SAMD3: variants seen among roughly 807,000 people sequenced by gnomAD.
SAMD3 encodes the protein sterile alpha motif domain containing 3.
In SAMD3, 63 loss-of-function variants were observed where a neutral mutation model predicts 58.5. That is an observed-to-expected ratio of 1.08 (90% CI 0.88 to 1.33). The LOEUF (loss-of-function observed/expected upper bound fraction) is 1.33, where lower values mean the gene tolerates loss of function less well. Among genes scored for constraint, SAMD3 ranks in the 40% most tolerant of loss-of-function variants. The probability of loss-of-function intolerance (pLI) is 0.00; values close to 1 mark genes in which losing one functional copy is unlikely to be tolerated. For synonymous variants in SAMD3, 220 were observed against 210.3 expected (o/e 1.05, Z -0.40); for missense variants, 604 against 608.4 (o/e 0.99, Z 0.08).
intron 1 of SAMD3, among the ~76,000 whole-genome samples, chr6:130,349,665 T>C (rs1320607576): frequency 6.6e-6 from 1 of 152,204 alleles, no homozygotes; most frequent in Non-Finnish European, 1.5e-5. Flanking sequence ...GTACCATTCC[T>C]TCTGAAATTA....
Position 130,154,918 on chromosome 6 carries a change from G to A in SAMD3, c.930C>T (p.Ser310=). 1.2e-6 allele frequency: 2 copies of A among 1,613,198 alleles called. No homozygotes were observed. Among genetic ancestry groups the A allele is most frequent in the South Asian group, 1.1e-5 (1 of 91,048 alleles). Residue 310 remains serine, a synonymous_variant, in exon 9 of 12, where the codon AGC becomes AGT. Coordinates refer to ENST00000439090, the MANE Select transcript of SAMD3 (RefSeq NM_001017373.4). ...KDWREIDKRM[S]QTLEIRRKMI... ...TCTTTCTTCTTATTTCCAAAGTTTGGCTCATTCTCTTGTCAATTTCTCTCC... is the reference window on the plus strand; with the variant it reads ...TCTTTCTTCTTATTTCCAAAGTTTGACTCATTCTCTTGTCAATTTCTCTCC...
chr6:130,263,854 G>A (rs1206384006), intron 2 of SAMD3, among the ~76,000 whole-genome samples: 1 of 152,072 alleles, frequency 6.6e-6, no homozygotes, highest in Non-Finnish European at 1.5e-5. Context: ...CAGGAGTCTT[G>A]CCCCCCGATG....
intron 8 of SAMD3, 138 bp from the exon 9 acceptor site, chr6:130,155,163 A>T: frequency 3.3e-6 from 2 of 611,608 alleles, no homozygotes; most frequent in Non-Finnish European, 5.8e-6. Context: ...GAGCATAACT[A>T]ATAAATGGAC....
intron 2 of SAMD3, chr6:130,286,373 C>A (rs1466077215): frequency 6.6e-6 from 1 of 152,196 alleles, no homozygotes; most frequent in Non-Finnish European, 1.5e-5. Flanking sequence ...GAAGAGTGAG[C>A]CTTAATGACA....
chr6:130,351,205 C>CA (rs1777650963), intron 1 of SAMD3, among the ~76,000 whole-genome samples: 1 of 152,114 alleles, frequency 6.6e-6, no homozygotes, highest in Non-Finnish European at 1.5e-5. Flanking sequence ...GCAATGGCAA[C>CA]AAAAGCCAAA....
At chr6:130,179,853 C>T (rs1167079007) in intron 7 of SAMD3, among the ~76,000 whole-genome samples, 1 of 140,364 alleles carries the variant, frequency 7.1e-6, no homozygotes, top group African/African-American at 2.7e-5. Context: ...CGCTCTTGTC[C>T]CCCAGGCTAG....
intron 1 of SAMD3, among the ~76,000 whole-genome samples, chr6:130,329,956 C>T (rs1776876997): frequency 2.0e-5 from 3 of 152,104 alleles, no homozygotes; most frequent in Non-Finnish European, 4.4e-5. Context: ...AGGACAAACA[C>T]TTAATGCATG....
chr6:130,336,306 A>G (rs375890595), intron 1 of SAMD3, among the ~76,000 whole-genome samples: 2 of 152,182 alleles, frequency 1.3e-5, no homozygotes, highest in East Asian at 1.9e-4. Flanking sequence ...TGAGGTTCAC[A>G]TTGCTAGGGT....
chr6:130,261,521 G>A (rs971523146), intron 2 of SAMD3, among the ~76,000 whole-genome samples: 3 of 152,128 alleles, frequency 2.0e-5, no homozygotes, highest in Non-Finnish European at 4.4e-5. Context: ...TTTTGGTTTT[G>A]ATTTTGATTT....
At chr6:130,364,818 C>T (rs1031924548) in intron 1 of SAMD3, among the ~76,000 whole-genome samples, 1 of 152,110 alleles carries the variant, frequency 6.6e-6, no homozygotes, top group Non-Finnish European at 1.5e-5. Flanking sequence ...ACAGTCTCTT[C>T]TCATTGCCAT....
chr6:130,224,617 T>C, upstream of SAMD3, among the ~76,000 whole-genome samples: 1 of 136,484 alleles, frequency 7.3e-6, no homozygotes, highest in African/African-American at 3.4e-5. Context: ...ATTATTATTA[T>C]TATTATTATT....
intron 2 of SAMD3, among the ~76,000 whole-genome samples, chr6:130,284,051 C>T (rs1007156442): frequency 3.8e-4 from 58 of 152,196 alleles, no homozygotes; most frequent in African/African-American, 1.3e-3. Context: ...CCCGGTTTTA[C>T]CATGTTGGCC....
chr6:130,186,767 ATTTT>A (rs35592601), intron 5 of SAMD3, among the ~76,000 whole-genome samples: 7 of 107,020 alleles, frequency 6.5e-5, no homozygotes, highest in Admixed American at 2.2e-4. Context: ...CCTTCCTGGG[ATTTT>A]TTTTTTTTTT....
intron 2 of SAMD3, among the ~76,000 whole-genome samples, chr6:130,240,116 T>C (rs940726832): frequency 6.6e-6 from 1 of 152,254 alleles, no homozygotes; most frequent in East Asian, 1.9e-4. Context: ...CCTGGTATTA[T>C]GATGTCCCTT....
chr6:130,287,653 G>A (rs1262887190), intron 2 of SAMD3, among the ~76,000 whole-genome samples: 3 of 152,020 alleles, frequency 2.0e-5, no homozygotes, highest in African/African-American at 7.2e-5. Flanking sequence ...GCAGCTAAGA[G>A]TTACAGGTGT....
intron 3 of SAMD3, 23 bp downstream of exon 3, chr6:130,215,172 T>G (rs759248885): frequency 7.5e-7 from 1 of 1,331,220 alleles, no homozygotes. Flanking sequence ...AATTAAAATT[T>G]TTGGAAAGCA....
intron 7 of SAMD3, among the ~76,000 whole-genome samples, chr6:130,176,783 C>T (rs768523287): frequency 3.3e-5 from 5 of 152,086 alleles, no homozygotes; most frequent in African/African-American, 4.8e-5. Flanking sequence ...ACAGAAGTTC[C>T]GGAAGGATGA....
intron 2 of SAMD3, among the ~76,000 whole-genome samples, chr6:130,247,383 C>G (rs1386733658): frequency 6.6e-6 from 1 of 151,366 alleles, no homozygotes; most frequent in Non-Finnish European, 1.5e-5. Context: ...AGGAGAATCA[C>G]TTAAACCTGG....
chr6:130,329,261 C>CAA (rs10708421), intron 1 of SAMD3, among the ~76,000 whole-genome samples: 10 of 118,292 alleles, frequency 8.5e-5, no homozygotes, highest in South Asian at 2.8e-4. Context: ...CAATGAATCT[C>CAA]AAAAAAAAAA....
Sources: allele counts gnomAD v4.1 joint callset (sites outside exome capture counted in the v4.1 genomes callset), GRCh38; gene constraint gnomAD v4.1.1; transcripts MANE v1.5; gene names NCBI Gene and HGNC (gene_info 2026-07-23, HGNC 2026-07-21).